The following ADGRB3 variants were observed in gnomAD, a reference collection of about 807,000 sequenced individuals.
The protein encoded by ADGRB3 is adhesion G protein-coupled receptor B3.
Under a neutral mutation model 193.4 loss-of-function variants are expected in ADGRB3, and 37 were observed. That is an observed-to-expected ratio of 0.19 (90% confidence interval 0.15 to 0.25). The LOEUF (loss-of-function observed/expected upper bound fraction) is 0.25. Ranked by LOEUF, ADGRB3 falls within the 10% of genes least tolerant of loss-of-function variation. ADGRB3 has a pLI of 1.00. For synonymous variants in ADGRB3, 690 were observed against 644.2 expected, an observed-to-expected ratio of 1.07 and a Z score of -1.08; for missense variants, 1,637 against 1,852.9, an observed-to-expected ratio of 0.88 and a Z score of 2.14.
At chr6:69,131,361 C>T (rs893933274) in intron 17 of ADGRB3, among the ~76,000 whole-genome samples, 3 of 151,938 alleles carry the variant, frequency 2.0e-5, no homozygotes, top group African/African-American at 4.8e-5. Flanking sequence ...TCAATGAGTA[C>T]AGTTTCTATG....
rs1346575833 is a variant in ADGRB3, at chr6:69,069,742, A to AG, written c.2437-6253_2437-6252insG. On this transcript the variant is annotated intron_variant, in intron 16 of 31. Coordinates refer to ENST00000370598, the MANE Select transcript of ADGRB3 (RefSeq NM_001704.3). Reference sequence around the variant, plus strand: ...TGAGACTCTCTCATTAAAAAAAAAAAAAAAAAAAGAAAGAAAGAAAAGAAA... The same window carrying AG: ...TGAGACTCTCTCATTAAAAAAAAAAAGAAAAAAAAGAAAGAAAGAAAAGAAA... Among the ~76,000 whole-genome samples, 89 of 131,470 alleles carry AG rather than the reference A, an allele frequency of 6.8e-4. 1 individual carries two copies. Among genetic ancestry groups the AG allele is most frequent in the African/African-American group, 2.0e-3 (79 of 39,036 alleles). 86.2% of individuals were successfully genotyped at this position (131,470 alleles called of 152,430 possible). A position where few individuals can be genotyped will look rare whatever the true frequency, so the allele number is the denominator to read the frequency against.
intron 17 of ADGRB3, among the ~76,000 whole-genome samples, chr6:69,228,491 A>G (rs1288300348): frequency 6.6e-6 from 1 of 152,190 alleles, no homozygotes; most frequent in Non-Finnish European, 1.5e-5. Flanking sequence ...ATGGGGGAAG[A>G]TCTAAGTTTA....
Position 68,913,882 on chromosome 6 carries a change from A to C in ADGRB3, c.758-16677A>C, listed in dbSNP as rs555449141. On this transcript the variant is annotated intron_variant, in intron 3 of 31. Coordinates refer to ENST00000370598, the MANE Select transcript of ADGRB3 (RefSeq NM_001704.3). ...TGGAGCTGAAAGCCAAGGCTCAAGA[A>C]CTACGTGAAGAATGCAGAAGCCTCA... Among the ~76,000 whole-genome samples, 351 of 152,238 alleles carry C rather than the reference A, an allele frequency of 2.3e-3. 1 individual carries two copies. The highest frequency in any genetic ancestry group is 8.2e-3 in the African/African-American group (340 of 41,544).
At chr6:69,328,784 A>C (rs1768641691) in intron 22 of ADGRB3, among the ~76,000 whole-genome samples, 2 of 152,172 alleles carry the variant, frequency 1.3e-5, no homozygotes, top group Admixed American at 6.6e-5. Flanking sequence ...ATTTTTAAAA[A>C]TTCTGATAGC....
At chr6:69,118,466 C>G (rs1450663036) in intron 17 of ADGRB3, among the ~76,000 whole-genome samples, 2 of 139,232 alleles carry the variant, frequency 1.4e-5, no homozygotes, top group Non-Finnish European at 3.2e-5. Context: ...CCAGGTACAC[C>G]AGACAATATG....
At chr6:69,379,908 A>G (rs1038650213) in intron 30 of ADGRB3, among the ~76,000 whole-genome samples, 1 of 152,044 alleles carries the variant, frequency 6.6e-6, no homozygotes, top group Non-Finnish European at 1.5e-5. Context: ...TATTCATTTC[A>G]GCGTCCTTCA....
chr6:69,290,097 CAG>C (rs1325529127), intron 20 of ADGRB3, among the ~76,000 whole-genome samples: 2 of 151,952 alleles, frequency 1.3e-5, no homozygotes, highest in African/African-American at 4.8e-5. Flanking sequence ...TTGCTAAGCT[CAG>C]AGGATTAATT....
chr6:68,988,473 A>G (rs1456124474), intron 10 of ADGRB3, among the ~76,000 whole-genome samples: 1 of 152,120 alleles, frequency 6.6e-6, no homozygotes, highest in Non-Finnish European at 1.5e-5. Context: ...GGGTACTTGT[A>G]GTAGTCGTAA....
intron 17 of ADGRB3, among the ~76,000 whole-genome samples, chr6:69,187,863 C>G (rs570284117): frequency 5.3e-5 from 8 of 152,210 alleles, no homozygotes; most frequent in African/African-American, 1.9e-4. Context: ...GTCTGGTCAC[C>G]AAGTCCTGCT....
At chr6:69,018,273 T>A (rs1770156012) in intron 12 of ADGRB3, 118 bp from the exon 13 acceptor site, 2 of 572,596 alleles carry the variant, frequency 3.5e-6, no homozygotes, top group Non-Finnish European at 5.9e-6. Context: ...CAGCTGTAGA[T>A]TTTTTTGAAG....
At chr6:68,783,673 G>T (rs1766904088) in intron 3 of ADGRB3, among the ~76,000 whole-genome samples, 1 of 151,832 alleles carries the variant, frequency 6.6e-6, no homozygotes, top group Non-Finnish European at 1.5e-5. Context: ...CAATCAGAAG[G>T]CACATCATAG....
rs536608169 is a variant in ADGRB3, at chr6:69,092,955, G to T, written c.2480+16917G>T. 8.6e-5 allele frequency among the ~76,000 whole-genome samples: 13 copies of T among 151,266 alleles called. No homozygotes were observed. In the East Asian group the frequency reaches 2.5e-3, roughly 30 times the overall value. On this transcript the variant is annotated intron_variant, in intron 17 of 31. Transcript: ENST00000370598. ...AGGGGTGGGCAGCCGAGATTCAGGG[G>T]TAGAGCAGTAGACAGCCTAGGTTCA...
chr6:69,271,356 A>T lies in ADGRB3; in HGVS notation c.2814+32130A>T, dbSNP rs142062536. 2.6e-3 allele frequency among the ~76,000 whole-genome samples: 403 copies of T among 152,312 alleles called. 4 individuals are homozygous for T. The highest frequency in any genetic ancestry group is 9.4e-3 in the African/African-American group (391 of 41,576). ...GAATGTTACATTATTACATTCAATA[A>T]ATGAATGGCTCAGTGAATTAAAAAG... On this transcript the variant is annotated intron_variant, in intron 20 of 31. Transcript: ENST00000370598.
intron 3 of ADGRB3, among the ~76,000 whole-genome samples, chr6:68,774,294 T>G (rs1411109754): frequency 6.6e-6 from 1 of 151,788 alleles, no homozygotes; most frequent in Non-Finnish European, 1.5e-5. Flanking sequence ...AAAATTTGAT[T>G]AAATAATTTT....
intron 20 of ADGRB3, among the ~76,000 whole-genome samples, chr6:69,295,492 C>A (rs1767794680): frequency 6.6e-6 from 1 of 152,112 alleles, no homozygotes; most frequent in Non-Finnish European, 1.5e-5. Flanking sequence ...CACCATGAGG[C>A]CAGGCTGCCC....
At chr6:68,889,929 A>G (rs911702435) in intron 3 of ADGRB3, among the ~76,000 whole-genome samples, 6 of 152,304 alleles carry the variant, frequency 3.9e-5, no homozygotes, top group Admixed American at 3.9e-4. Flanking sequence ...TATATTTTAC[A>G]TATATCATTA....
At chr6:69,044,572 C>T (rs1162376657) in intron 13 of ADGRB3, among the ~76,000 whole-genome samples, 3 of 152,194 alleles carry the variant, frequency 2.0e-5, no homozygotes, top group Non-Finnish European at 4.4e-5. Context: ...CTATACTGAA[C>T]CTGAATCGTT....
chr6:68,774,086 C>G (rs941029688), intron 3 of ADGRB3, among the ~76,000 whole-genome samples: 1 of 151,912 alleles, frequency 6.6e-6, no homozygotes, highest in Non-Finnish European at 1.5e-5. Context: ...AGAGTGATGT[C>G]TAATATATTT....
At chr6:68,655,857 C>G (rs146701766) in intron 3 of ADGRB3, among the ~76,000 whole-genome samples, 141 of 151,694 alleles carry the variant, frequency 9.3e-4, no homozygotes, top group Non-Finnish European at 1.6e-3. Context: ...ACCTAAGTAA[C>G]TTCTTCTTCT....
Sources: allele counts gnomAD v4.1 joint callset (sites outside exome capture counted in the v4.1 genomes callset), GRCh38; gene constraint gnomAD v4.1.1; transcripts MANE v1.5; gene names NCBI Gene and HGNC (gene_info 2026-07-23, HGNC 2026-07-21).